Variants in PRKN observed in about 807,000 individuals in gnomAD.
The protein encoded by PRKN is parkin RBR E3 ubiquitin protein ligase.
PRKN carries 56 observed loss-of-function variants against 59.5 expected under a neutral mutation model. That is an observed-to-expected ratio of 0.94 (90% CI 0.76 to 1.18). The LOEUF (loss-of-function observed/expected upper bound fraction) is 1.18, where lower values mean the gene tolerates loss of function less well. Ranked by LOEUF, PRKN falls within the 50% of genes most tolerant of loss-of-function variation. The pLI is 0.00. For missense variants in PRKN, 657 were observed against 596.4 expected, an observed-to-expected ratio of 1.10 and a Z score of -1.06; for synonymous variants, 250 against 222.1, an observed-to-expected ratio of 1.13 and a Z score of -1.12.
chr6:162,078,445 T>C lies in PRKN; in HGVS notation c.535-24271A>G, dbSNP rs192604075. ...AAACAAAGGGAAACACAGAGCTTGC[T>C]TGTTATCCCAAATTATGCTCTGGTT... is the stretch of plus-strand genomic sequence containing the variant. On this transcript the variant is annotated intron_variant, in intron 4 of 11. Transcript: ENST00000366898. 1.2e-3 allele frequency among the ~76,000 whole-genome samples: 182 copies of C among 152,246 alleles called. 2 individuals are homozygous for C. The highest frequency in any genetic ancestry group is 4.2e-3 in the African/African-American group (173 of 41,502).
At chr6:162,299,750 T>A (rs921193433) in intron 2 of PRKN, among the ~76,000 whole-genome samples, 22 of 152,068 alleles carry the variant, frequency 1.4e-4, no homozygotes, top group African/African-American at 5.3e-4. Context: ...CAGGCCACTT[T>A]GCAGGAATTC....
rs113839211 is a variant in PRKN at position 162,331,903 on chromosome 6, C to T, written c.172-69138G>A. On this transcript the variant is annotated intron_variant, in intron 2 of 11. Coordinates refer to ENST00000366898, the MANE Select transcript of PRKN (RefSeq NM_004562.3). ...GCTTCCTCCACCATTTTTGAGAATG[C>T]ATGTTAACCAATAAAGTCAAAACTT... 3.6e-3 allele frequency among the ~76,000 whole-genome samples: 551 copies of T among 152,286 alleles called. 3 individuals are homozygous for T. Among genetic ancestry groups the T allele is most frequent in the African/African-American group, 0.013 (531 of 41,564 alleles).
At chr6:162,215,960 T>C (rs1029873044) in intron 3 of PRKN, among the ~76,000 whole-genome samples, 1 of 151,762 alleles carries the variant, frequency 6.6e-6, no homozygotes, top group Non-Finnish European at 1.5e-5. Context: ...GGAGAATTGC[T>C]TGAACCGGGA....
chr6:161,900,984 TG>T (rs1409946360), intron 6 of PRKN, among the ~76,000 whole-genome samples: 2 of 150,570 alleles, frequency 1.3e-5, no homozygotes, highest in Admixed American at 6.7e-5. Flanking sequence ...GGTATGAGCT[TG>T]GCTCACTGCA....
chr6:162,659,226 C>T (rs1424640267), intron 1 of PRKN, among the ~76,000 whole-genome samples: 2 of 151,974 alleles, frequency 1.3e-5, no homozygotes, highest in Admixed American at 6.6e-5. Flanking sequence ...CACTTTATGC[C>T]TTTTTTCCTT....
intron 5 of PRKN, among the ~76,000 whole-genome samples, chr6:162,046,904 T>TGA (rs1554264135): frequency 0.017 from 2,564 of 148,990 alleles, 59 homozygotes; most frequent in African/African-American, 0.06. Context: ...CCTTAACAAT[T>TGA]AAAAAAAAAA....
chr6:162,458,954 G>A (rs1185851793), intron 1 of PRKN, among the ~76,000 whole-genome samples: 1 of 151,952 alleles, frequency 6.6e-6, no homozygotes, highest in Admixed American at 6.6e-5. Context: ...CCGAGTAGCT[G>A]GGACTACAGG....
chr6:161,364,339 G>A (rs1178836303), intron 10 of PRKN, among the ~76,000 whole-genome samples: 1 of 150,964 alleles, frequency 6.6e-6, no homozygotes, highest in Non-Finnish European at 1.5e-5. Flanking sequence ...GGTGCCTGTA[G>A]TCCCAGCTAC....
intron 2 of PRKN, among the ~76,000 whole-genome samples, chr6:162,352,276 C>T (rs555984110): frequency 2.6e-5 from 4 of 152,120 alleles, no homozygotes; most frequent in Non-Finnish European, 5.9e-5. Flanking sequence ...CTGTGCTTCA[C>T]GTAGTCTATG....
intron 1 of PRKN, among the ~76,000 whole-genome samples, chr6:162,474,395 A>T (rs566733859): frequency 6.6e-6 from 1 of 152,136 alleles, no homozygotes; most frequent in Non-Finnish European, 1.5e-5. Flanking sequence ...TTTTTTTAGA[A>T]ATCACTATAC....
intron 9 of PRKN, among the ~76,000 whole-genome samples, chr6:161,427,627 G>C (rs1583053626): frequency 6.6e-6 from 1 of 152,276 alleles, no homozygotes; most frequent in Non-Finnish European, 1.5e-5. Context: ...ACAATTGGAA[G>C]ACGTTTTGTG....
chr6:161,691,986 C>T (rs975732292), intron 7 of PRKN, among the ~76,000 whole-genome samples: 3 of 151,078 alleles, frequency 2.0e-5, no homozygotes, highest in African/African-American at 7.3e-5. Flanking sequence ...CTGAGTTTGC[C>T]GATTTGTGGA....
chr6:161,449,858 T>TTGGG (rs1157287509), intron 9 of PRKN, among the ~76,000 whole-genome samples: 1 of 151,800 alleles, frequency 6.6e-6, no homozygotes, highest in African/African-American at 2.4e-5. Flanking sequence ...AACAGAAGCA[T>TTGGG]TGGGAATGGA....
At chr6:162,052,827 G>A (rs958036279) in intron 5 of PRKN, among the ~76,000 whole-genome samples, 1 of 148,696 alleles carries the variant, frequency 6.7e-6, no homozygotes, top group African/African-American at 2.5e-5. Context: ...AGTTTATAGG[G>A]GCAAGATTCT....
chr6:161,888,018 A>T (rs1795217210), intron 6 of PRKN, among the ~76,000 whole-genome samples: 1 of 152,214 alleles, frequency 6.6e-6, no homozygotes, highest in South Asian at 2.1e-4. Context: ...TATTCTGTTT[A>T]AAAATCTTTC....
chr6:162,483,907 A>G (rs1254657011), intron 1 of PRKN, among the ~76,000 whole-genome samples: 1 of 152,230 alleles, frequency 6.6e-6, no homozygotes, highest in African/African-American at 2.4e-5. Context: ...GTTAAGTTAA[A>G]TACCTTGTGT....
intron 2 of PRKN, among the ~76,000 whole-genome samples, chr6:162,370,978 T>C (rs1785734649): frequency 6.6e-6 from 1 of 152,190 alleles, no homozygotes; most frequent in African/African-American, 2.4e-5. Flanking sequence ...GTACATGGCT[T>C]CTTGTCCAGA....
chr6:162,542,727 C>A (rs139099457), intron 1 of PRKN, among the ~76,000 whole-genome samples: 1 of 152,256 alleles, frequency 6.6e-6, no homozygotes, highest in Non-Finnish European at 1.5e-5. Context: ...GCATATAGCA[C>A]ATAGCATAGA....
chr6:162,475,400 C>T (rs775303049), intron 1 of PRKN, among the ~76,000 whole-genome samples: 2 of 151,694 alleles, frequency 1.3e-5, no homozygotes, highest in South Asian at 2.1e-4. Flanking sequence ...TTGGAAAGAA[C>T]GAGAGAAATA....
Sources: gnomAD v4.1 joint callset for allele counts (sites outside exome capture counted in the v4.1 genomes callset) on GRCh38, gnomAD v4.1.1 for gene constraint, MANE v1.5 for transcripts, NCBI Gene and HGNC (gene_info 2026-07-23, HGNC 2026-07-21) for gene names.